The following VPS50 variants were observed in gnomAD, a reference collection of about 807,000 sequenced individuals.
VPS50 encodes syndetin.
In VPS50, 70 loss-of-function variants were observed where a neutral mutation model predicts 139.7. The observed-to-expected ratio is 0.50, with a 90% CI of 0.41 to 0.61. The LOEUF (loss-of-function observed/expected upper bound fraction) is 0.61, where lower values mean the gene tolerates loss of function less well. VPS50 is among the 20% of genes least tolerant of loss of function. The pLI is 0.00. For synonymous variants in VPS50, 365 were observed against 376.7 expected (o/e 0.97, Z 0.36); for missense variants, 921 against 1,133.7 (o/e 0.81, Z 2.69).
At chr7:93,344,182 A>G (rs1798314808) in intron 23 of VPS50, among the ~76,000 whole-genome samples, 1 of 152,210 alleles carries the variant, frequency 6.6e-6, no homozygotes, top group Admixed American at 6.5e-5. Context: ...TTGCAATCCT[A>G]GTCTCTGATA....
intron 19 of VPS50, 65 bp downstream of exon 19, chr7:93,309,007 C>T: frequency 1.2e-6 from 1 of 801,650 alleles, no homozygotes. Context: ...ATAGGATTTC[C>T]TTTAAGGTTA....
chr7:93,358,197 C>T (rs1798759939), intron 27 of VPS50, 120 bp from the exon 28 acceptor site: 1 of 869,640 alleles, frequency 1.1e-6, no homozygotes, highest in Non-Finnish European at 1.8e-6. Context: ...CACTGTTTTT[C>T]ACTGGTTTAT....
intron 11 of VPS50, chr7:93,275,836 C>T (rs895159196): frequency 2.8e-5 from 6 of 214,660 alleles, no homozygotes; most frequent in African/African-American, 1.4e-4. Flanking sequence ...AGAAGGAATA[C>T]ATGCAGAATG....
At chr7:93,283,936 G>A (rs1796405704) in intron 12 of VPS50, among the ~76,000 whole-genome samples, 2 of 152,152 alleles carry the variant, frequency 1.3e-5, no homozygotes, top group Non-Finnish European at 2.9e-5. Flanking sequence ...AGTGCCTATG[G>A]AGCACATGCT....
Position 93,308,917 on chromosome 7 carries a change from C to T in VPS50, c.1723C>T (p.Gln575Ter). Residue 575 changes from glutamine to a stop codon, truncating the protein, a stop_gained, in exon 19 of 28, where the codon CAG becomes TAG. Transcript: ENST00000305866. LOFTEE classifies it high-confidence loss of function. ...EELKRDYVDE[Q>*]TGDGPVKSVS... ...ACTCAAACGAGACTATGTGGATGAG[C>T]AGACAGGAGATGGTCCTGTGAAAAG... is the stretch of plus-strand genomic sequence containing the variant. 1 of 1,591,610 alleles carries T rather than the reference C, an allele frequency of 6.3e-7. No homozygotes were observed. Among genetic ancestry groups the T allele is most frequent in the African/African-American group, 1.3e-5 (1 of 74,512 alleles).
intron 1 of VPS50, among the ~76,000 whole-genome samples, chr7:93,237,718 ATG>A (rs561322560): frequency 1.6e-4 from 24 of 152,320 alleles, no homozygotes; most frequent in African/African-American, 5.1e-4. Flanking sequence ...AGATTATTAA[ATG>A]TATTTTCCAC....
At chr7:93,255,006 G>A (rs924777417) in intron 4 of VPS50, among the ~76,000 whole-genome samples, 2 of 151,970 alleles carry the variant, frequency 1.3e-5, no homozygotes, top group Non-Finnish European at 2.9e-5. Context: ...GCAGGAGAAG[G>A]GATTTGAGCT....
In VPS50 at chr7:93,272,743, A is replaced by C. The variant is rs765843202; in HGVS notation, c.801+10A>C. 1 of 1,297,888 alleles carries C rather than the reference A, an allele frequency of 7.7e-7. No homozygotes were observed. The highest frequency in any genetic ancestry group is 1.5e-5 in the African/African-American group (1 of 66,324). The allele number at this position is 1,297,888 out of a possible 1,614,324, so 80.4% of individuals were successfully genotyped here. Reference sequence around the variant, plus strand: ...TCTTGGAAAAACACAGGTTTGTTACAAAAGGATGTTTGGATTTTTCCTTAA... The same window carrying C: ...TCTTGGAAAAACACAGGTTTGTTACCAAAGGATGTTTGGATTTTTCCTTAA... On this transcript the variant is annotated intron_variant, in intron 11 of 27. Transcript: ENST00000305866.
At chr7:93,236,152 A>G (rs1794794425) in intron 1 of VPS50, among the ~76,000 whole-genome samples, 1 of 152,210 alleles carries the variant, frequency 6.6e-6, no homozygotes, top group South Asian at 2.1e-4. Flanking sequence ...TAAAAGAGTA[A>G]GGAGTGATTA....
At chr7:93,259,526 G>T (rs775314445) in intron 8 of VPS50, 24 bp from the exon 9 acceptor site, 12 of 1,229,870 alleles carry the variant, frequency 9.8e-6, no homozygotes, top group South Asian at 3.9e-5. Flanking sequence ...CTATTCCAAT[G>T]ACTCCTGTTG....
intron 23 of VPS50, among the ~76,000 whole-genome samples, chr7:93,346,855 C>G (rs1054925759): frequency 1.4e-4 from 19 of 138,134 alleles, no homozygotes; most frequent in Non-Finnish European, 2.7e-4. Context: ...AACGTTAGAC[C>G]TAAAACCATA....
intron 22 of VPS50, among the ~76,000 whole-genome samples, chr7:93,338,111 A>G (rs1798114272): frequency 6.6e-6 from 1 of 152,066 alleles, no homozygotes; most frequent in Admixed American, 6.6e-5. Flanking sequence ...GGTATTTACA[A>G]CTCTGAACTA....
chr7:93,237,938 T>C (rs193139291), intron 1 of VPS50, among the ~76,000 whole-genome samples: 1 of 152,302 alleles, frequency 6.6e-6, no homozygotes, highest in East Asian at 1.9e-4. Flanking sequence ...TTTTCTTCTG[T>C]ATGTTTCCAT....
chr7:93,356,873 C>G (rs548573487), intron 27 of VPS50, among the ~76,000 whole-genome samples: 1 of 152,192 alleles, frequency 6.6e-6, no homozygotes, highest in East Asian at 1.9e-4. Flanking sequence ...TTGTATATAC[C>G]TGCTCAGACT....
At chr7:93,272,197 TA>T (rs1004821309) in intron 10 of VPS50, among the ~76,000 whole-genome samples, 2 of 151,806 alleles carry the variant, frequency 1.3e-5, no homozygotes, top group African/African-American at 4.8e-5. Context: ...CCTTGAGGAA[TA>T]TACTTTTAAA....
chr7:93,320,180 G>T (rs1303602270), intron 20 of VPS50, among the ~76,000 whole-genome samples: 1 of 152,054 alleles, frequency 6.6e-6, no homozygotes, highest in Non-Finnish European at 1.5e-5. Flanking sequence ...ATTCGGACTC[G>T]GAACTTTGTG....
At chr7:93,266,311 C>T (rs2116865737) in intron 9 of VPS50, among the ~76,000 whole-genome samples, 1 of 152,256 alleles carries the variant, frequency 6.6e-6, no homozygotes, top group Admixed American at 6.5e-5. Context: ...TTCTATCTGG[C>T]CCACCTTTAT....
Position 93,245,054 on chromosome 7 carries a change from C to A in VPS50, c.102+5120C>A, listed in dbSNP as rs1381734293. The stretch of plus-strand genomic sequence containing the variant: ...GGTACAAGACTGTTCCTAACTCAAC[C>A]TGAGTGGGGGAGACAAGCAAAAATA... On this transcript the variant is annotated intron_variant, in intron 2 of 27. Transcript: ENST00000305866. Among the ~76,000 whole-genome samples the A allele has an allele frequency of 9.3e-4, 141 of 151,760 alleles. 3 individuals are homozygous for A. The highest frequency in any genetic ancestry group is 1.5e-4 in the Non-Finnish European group (10 of 67,810).
At chr7:93,343,773 A>G (rs1798299840) in intron 23 of VPS50, among the ~76,000 whole-genome samples, 1 of 151,980 alleles carries the variant, frequency 6.6e-6, no homozygotes, top group African/African-American at 2.4e-5. Flanking sequence ...ACAGACAAGC[A>G]AATGCTGAGA....
Sources: gnomAD v4.1 joint callset for allele counts (sites outside exome capture counted in the v4.1 genomes callset) on GRCh38, gnomAD v4.1.1 for gene constraint, MANE v1.5 for transcripts, NCBI Gene and HGNC (gene_info 2026-07-23, HGNC 2026-07-21) for gene names.